Variants in ARHGAP22 observed in about 807,000 individuals in gnomAD.
The protein encoded by ARHGAP22 is Rho GTPase activating protein 22.
A neutral mutation model predicts 59.1 loss-of-function variants in ARHGAP22; 48 were observed. That is an observed-to-expected ratio of 0.81 (90% CI 0.64 to 1.03). The LOEUF (loss-of-function observed/expected upper bound fraction) is 1.03. ARHGAP22 is among the 50% of genes least tolerant of loss of function. The pLI, the probability that ARHGAP22 is intolerant of heterozygous loss-of-function variation, is 0.00. For synonymous variants in ARHGAP22, 445 were observed against 416.4 expected (o/e 1.07, Z -0.84); for missense variants, 1,015 against 958.7 (o/e 1.06, Z -0.78).
At chr10:48,570,005 A>G (rs1343955499) in intron 2 of ARHGAP22, among the ~76,000 whole-genome samples, 3 of 152,182 alleles carry the variant, frequency 2.0e-5, no homozygotes, top group Non-Finnish European at 4.4e-5. Flanking sequence ...AAACCTTAAA[A>G]TGTATTTTGT....
At chr10:48,470,601 G>T (rs984639915) in intron 4 of ARHGAP22, among the ~76,000 whole-genome samples, 2 of 152,216 alleles carry the variant, frequency 1.3e-5, no homozygotes, top group Non-Finnish European at 2.9e-5. Flanking sequence ...GGTCCATAGG[G>T]ACATCTTCTC....
chr10:48,453,552 G>A, intron 7 of ARHGAP22, 127 bp from the exon 8 acceptor site: 1 of 1,393,872 alleles, frequency 7.2e-7, no homozygotes, highest in Non-Finnish European at 9.9e-7. Flanking sequence ...CCCACTGGGT[G>A]TAGCCTGCCT....
chr10:48,633,824 A>T (rs1307368642), intron 1 of ARHGAP22, among the ~76,000 whole-genome samples: 8 of 152,168 alleles, frequency 5.3e-5, no homozygotes, highest in African/African-American at 1.9e-4. Context: ...CCACGGGGCT[A>T]AGAGGAGGAG....
At position 48,563,265 on chromosome 10, in the gene ARHGAP22, C is replaced by T. The variant is rs551118128; in HGVS notation, c.235-7715G>A. Among the ~76,000 whole-genome samples the T allele has an allele frequency of 2.4e-4, 34 of 139,424 alleles. 1 individual carries two copies. Among genetic ancestry groups the T allele is most frequent in the African/African-American group, 8.5e-4 (32 of 37,592 alleles). The allele number at this position is 139,424 out of a possible 152,430, so 91.5% of individuals were successfully genotyped here. ...CTGGAGTGCAGTGGCGCAATCTTGG[C>T]TCACTACAAGCTCCGCCTCCTGGGT... On this transcript the variant is annotated intron_variant, in intron 2 of 9. Transcript: ENST00000249601.
chr10:48,611,910 C>A (rs954284571), intron 1 of ARHGAP22, among the ~76,000 whole-genome samples: 6 of 132,768 alleles, frequency 4.5e-5, no homozygotes, highest in African/African-American at 1.7e-4. Flanking sequence ...TTTCCTTCTG[C>A]CTCCTGGGTC....
chr10:48,566,640 A>G (rs573963434), intron 2 of ARHGAP22, among the ~76,000 whole-genome samples: 1 of 152,262 alleles, frequency 6.6e-6, no homozygotes, highest in South Asian at 2.1e-4. Flanking sequence ...TCTTGTTATG[A>G]TCCACAGGTC....
rs2061018045 is a variant in ARHGAP22, at chr10:48,614,763, A to G, written c.53-31611T>C. On this transcript the variant is annotated intron_variant, in intron 1 of 9. Coordinates refer to the ARHGAP22 transcript ENST00000435790. ...TCCCATTCCAGCTCTCCAATAAGCA[A>G]GAGTCTTGCAAATGACAGCCCTGGT... Among the ~76,000 whole-genome samples, 4 of 152,224 alleles carry G rather than the reference A, an allele frequency of 2.6e-5. No homozygotes were observed. In the South Asian group the frequency reaches 6.2e-4, roughly 24 times the overall value.
intron 6 of ARHGAP22, 62 bp downstream of exon 6, chr10:48,454,940 G>A (rs1165494610): frequency 1.3e-5 from 19 of 1,496,728 alleles, no homozygotes; most frequent in Non-Finnish European, 1.6e-5. Flanking sequence ...TCTGTGTCCT[G>A]AGTCTACAGG....
intron 1 of ARHGAP22, among the ~76,000 whole-genome samples, chr10:48,623,344 T>TC (rs2061345297): frequency 6.6e-6 from 1 of 152,254 alleles, no homozygotes; most frequent in African/African-American, 2.4e-5. Flanking sequence ...GTGGTCACAG[T>TC]TTTGATTCTA....
intron 3 of ARHGAP22, among the ~76,000 whole-genome samples, chr10:48,537,865 G>A (rs1463127034): frequency 6.6e-5 from 10 of 152,196 alleles, no homozygotes; most frequent in African/African-American, 2.2e-4. Flanking sequence ...GCAGGAAGAT[G>A]GGAGACCCGC....
intron 4 of ARHGAP22, among the ~76,000 whole-genome samples, chr10:48,469,744 T>C (rs756611023): frequency 2.0e-5 from 3 of 152,200 alleles, no homozygotes; most frequent in South Asian, 4.1e-4. Flanking sequence ...GGGCAGCCCA[T>C]AGCCAGTGTG....
At position 48,482,446 on chromosome 10, in the gene ARHGAP22, T is replaced by C. The variant is rs1487431013; in HGVS notation, c.323-2682A>G. 2.0e-5 allele frequency among the ~76,000 whole-genome samples: 3 copies of C among 152,238 alleles called. No homozygotes were observed. The East Asian group carries it at 5.8e-4, about 29-fold the overall frequency. ...CCTTTCCAGCTGGGAATCGTTTCTTTCTTTCTTCTTCTAATGACACTGACC... is the reference window on the plus strand; with the variant it reads ...CCTTTCCAGCTGGGAATCGTTTCTTCCTTTCTTCTTCTAATGACACTGACC... On this transcript the variant is annotated intron_variant, in intron 3 of 9. Transcript: ENST00000249601.
chr10:48,631,175 A>G (rs1184318489), intron 1 of ARHGAP22, among the ~76,000 whole-genome samples: 1 of 152,326 alleles, frequency 6.6e-6, no homozygotes, highest in East Asian at 1.9e-4. Context: ...GTGGTATATA[A>G]TTCTTTTTAT....
At chr10:48,475,224 T>C (rs972884369) in intron 4 of ARHGAP22, among the ~76,000 whole-genome samples, 1 of 152,206 alleles carries the variant, frequency 6.6e-6, no homozygotes, top group Admixed American at 6.5e-5. Flanking sequence ...TCACTGCCCT[T>C]GTTCCTTCAC....
In ARHGAP22 at chr10:48,614,055, T is replaced by G. The variant is rs572001612; in HGVS notation, c.53-30903A>C. 8.3e-3 allele frequency among the ~76,000 whole-genome samples: 1,270 copies of G among 152,328 alleles called. 20 individuals carry two copies. Among genetic ancestry groups the G allele is most frequent in the African/African-American group, 0.029 (1,211 of 41,574 alleles). On this transcript the variant is annotated intron_variant, in intron 1 of 9. Coordinates refer to the ARHGAP22 transcript ENST00000435790. ...TGGTGCCATGCTCTTGGGCTTCCCA[T>G]CCTCCAGAACTATAAGCCAAATACA...
rs1417045810 is a variant in ARHGAP22 at position 48,523,422 on chromosome 10, C to T, written c.322+32041G>A. 2.6e-5 allele frequency among the ~76,000 whole-genome samples: 4 copies of T among 152,356 alleles called. No individual in the cohort carries two copies. In the East Asian group the frequency reaches 7.7e-4, roughly 29 times the overall value. On this transcript the variant is annotated intron_variant, in intron 3 of 9. Coordinates refer to ENST00000249601, the MANE Select transcript of ARHGAP22 (RefSeq NM_021226.4). ...GGTTAAGTCGGCCGGGCCCCAGCCCCCGGGAGGCCGGACCTCCGGCGGCCG... is the reference window on the plus strand; with the variant it reads ...GGTTAAGTCGGCCGGGCCCCAGCCCTCGGGAGGCCGGACCTCCGGCGGCCG...
intron 1 of ARHGAP22, among the ~76,000 whole-genome samples, chr10:48,592,035 G>A (rs990693937): frequency 1.3e-5 from 2 of 149,310 alleles, no homozygotes; most frequent in African/African-American, 5.2e-5. Flanking sequence ...CTGAGTGCCC[G>A]TTAGTAAGAA....
At chr10:48,653,919 A>C (rs937385973), upstream of ARHGAP22, among the ~76,000 whole-genome samples, 1 of 152,218 alleles carries the variant, frequency 6.6e-6, no homozygotes, top group Non-Finnish European at 1.5e-5. Context: ...CGTGGGACAT[A>C]ATACCTGCTA....
intron 3 of ARHGAP22, among the ~76,000 whole-genome samples, chr10:48,502,865 C>T (rs144319414): frequency 1.3e-5 from 2 of 152,212 alleles, no homozygotes; most frequent in African/African-American, 4.8e-5. Flanking sequence ...GAGAGTGGCC[C>T]GGTAGCGGAG....
Sources: gnomAD v4.1 joint callset for allele counts (sites outside exome capture counted in the v4.1 genomes callset) on GRCh38, gnomAD v4.1.1 for gene constraint, MANE v1.5 for transcripts, NCBI Gene and HGNC (gene_info 2026-07-23, HGNC 2026-07-21) for gene names.